HPN: variants seen among roughly 807,000 people sequenced by gnomAD.
The protein encoded by HPN is hepsin, also known as serine protease hepsin.
A neutral mutation model predicts 55.9 loss-of-function variants in HPN; 13 were observed. The observed-to-expected ratio is 0.23, with a 90% CI of 0.15 to 0.37. The LOEUF (loss-of-function observed/expected upper bound fraction) is 0.37. Among genes scored for constraint, HPN ranks in the 10% least tolerant of loss-of-function variants. The probability of loss-of-function intolerance (pLI) is 1.00; values close to 1 mark genes in which losing one functional copy is unlikely to be tolerated. For missense variants in HPN, 451 were observed against 575.8 expected (o/e 0.78, Z 2.22); for synonymous variants, 225 against 240.3 (o/e 0.94, Z 0.59).
At chr19:35,050,280 GC>G (rs1414217363) in intron 4 of HPN, among the ~76,000 whole-genome samples, 1 of 152,142 alleles carries the variant, frequency 6.6e-6, no homozygotes, top group Non-Finnish European at 1.5e-5. Flanking sequence ...GTGCCACCAT[GC>G]CCAGTTAATT....
At chr19:35,064,519 T>A (rs896203996) in intron 9 of HPN, among the ~76,000 whole-genome samples, 20 of 151,708 alleles carry the variant, frequency 1.3e-4, no homozygotes, top group African/African-American at 4.6e-4. Context: ...TCCCAGTGCT[T>A]TGGGAGGCTG....
chr19:35,053,415 G>T (rs2064423861), intron 4 of HPN, among the ~76,000 whole-genome samples: 1 of 152,072 alleles, frequency 6.6e-6, no homozygotes, highest in Non-Finnish European at 1.5e-5. Flanking sequence ...AGCTAGAGGT[G>T]CCAGGCATTC....
intron 4 of HPN, among the ~76,000 whole-genome samples, chr19:35,055,868 G>T (rs1202505516): frequency 6.6e-6 from 1 of 152,138 alleles, no homozygotes; most frequent in Non-Finnish European, 1.5e-5. Flanking sequence ...TTCCCCACTT[G>T]CAGCCAGAGG....
intron 4 of HPN, 193 bp from the exon 5 acceptor site, chr19:35,059,479 CT>C: frequency 2.7e-6 from 2 of 748,674 alleles, no homozygotes; most frequent in Non-Finnish European, 4.6e-6. Flanking sequence ...GAGACCCTGT[CT>C]TTAAAAAAAA....
At chr19:35,053,922 G>T (rs2064429265) in intron 4 of HPN, among the ~76,000 whole-genome samples, 1 of 152,202 alleles carries the variant, frequency 6.6e-6, no homozygotes, top group African/African-American at 2.4e-5. Context: ...ATTAAGGCAG[G>T]CCAGCCAGGT....
At chr19:35,056,740 G>A (rs1264437999) in intron 4 of HPN, among the ~76,000 whole-genome samples, 1 of 152,172 alleles carries the variant, frequency 6.6e-6, no homozygotes, top group African/African-American at 2.4e-5. Context: ...TCGGCCATCT[G>A]TGTCTCCAGG....
chr19:35,053,449 G>A (rs7249615), intron 4 of HPN, among the ~76,000 whole-genome samples: 2 of 152,022 alleles, frequency 1.3e-5, no homozygotes, highest in Non-Finnish European at 2.9e-5. Flanking sequence ...CAGAGCAGGA[G>A]ACCGTAATTA....
chr19:35,044,160 T>C (rs1488503391), intron 2 of HPN, among the ~76,000 whole-genome samples: 4 of 152,230 alleles, frequency 2.6e-5, no homozygotes, highest in Non-Finnish European at 4.4e-5. Context: ...TGTGCAGGAC[T>C]GGACGGGGTT....
chr19:35,059,630 T>G (rs2064501658), intron 4 of HPN, 43 bp from the exon 5 acceptor site: 3 of 1,562,718 alleles, frequency 1.9e-6, no homozygotes, highest in Non-Finnish European at 2.6e-6. Flanking sequence ...GTGGGGAGCC[T>G]GGCTGTGGGA....
intron 3 of HPN, 41 bp downstream of exon 3, chr19:35,049,432 G>A: frequency 6.2e-7 from 1 of 1,612,786 alleles, no homozygotes; most frequent in Non-Finnish European, 8.5e-7. Context: ...CCTGGCCCCT[G>A]CAGCCTCCAG....
intron 9 of HPN, among the ~76,000 whole-genome samples, chr19:35,063,115 A>G (rs55737731): frequency 6.6e-6 from 1 of 152,200 alleles, no homozygotes; most frequent in African/African-American, 2.4e-5. Context: ...CTTAGTTCTC[A>G]CAGCAACCCC....
At chr19:35,057,284 A>C (rs894583722) in intron 4 of HPN, among the ~76,000 whole-genome samples, 1 of 151,954 alleles carries the variant, frequency 6.6e-6, no homozygotes, top group African/African-American at 2.4e-5. Flanking sequence ...AAATTAGCCA[A>C]GTGTGGTGGC....
intron 2 of HPN, among the ~76,000 whole-genome samples, chr19:35,048,060 G>GAAAC: frequency 1.9e-5 from 1 of 52,398 alleles, no homozygotes; most frequent in East Asian, 1.3e-3. Context: ...AAGAAAGAAA[G>GAAAC]AAAGAAAGAA....
intron 2 of HPN, among the ~76,000 whole-genome samples, chr19:35,045,839 C>T (rs1401954282): frequency 6.6e-6 from 1 of 152,108 alleles, no homozygotes; most frequent in East Asian, 1.9e-4. Context: ...ACTGGGGGAA[C>T]CCCAGGATGC....
At chr19:35,048,078 AAG>A (rs759767394) in intron 2 of HPN, among the ~76,000 whole-genome samples, 3,607 of 50,738 alleles carry the variant, frequency 0.071, 71 homozygotes, top group East Asian at 0.14. Flanking sequence ...GAAAGAAAGA[AAG>A]AAAAGGAAGG....
chr19:35,046,576 A>G (rs11673301), intron 2 of HPN, among the ~76,000 whole-genome samples: 104 of 152,126 alleles, frequency 6.8e-4, no homozygotes, highest in Non-Finnish European at 1.3e-3. Flanking sequence ...CACCCAGATA[A>G]TGGCCACACC....
chr19:35,044,080 A>G (rs2064318964), intron 2 of HPN, among the ~76,000 whole-genome samples: 2 of 152,122 alleles, frequency 1.3e-5, no homozygotes, highest in Non-Finnish European at 2.9e-5. Flanking sequence ...TCCTTTTCTC[A>G]TCTGTAAACT....
Position 35,066,537 on chromosome 19 carries a change from G to T in HPN, c.*250G>T. ...CTCCTGTCTAGGTGCCCCTGATGAC[G>T]GGATGCTCTTTAAATAATAAAGATG... On this transcript the variant is annotated 3_prime_UTR_variant, in exon 13 of 13. Coordinates refer to ENST00000672452, the MANE Select transcript of HPN (RefSeq NM_001384133.1). 5.5e-6 allele frequency: 3 copies of T among 545,530 alleles called. No homozygotes were observed. Among genetic ancestry groups the T allele is most frequent in the Admixed American group, 3.2e-5 (1 of 30,972 alleles). The allele number at this position is 545,530 out of a possible 1,614,324, so 33.8% of individuals were successfully genotyped here. A position where few individuals can be genotyped will look rare whatever the true frequency, so the allele number is the denominator to read the frequency against.
At position 35,065,864 on chromosome 19, in the gene HPN, C is replaced by T. The variant is rs758919843; in HGVS notation, c.1051-4C>T. 8.7e-6 allele frequency: 14 copies of T among 1,613,822 alleles called. No individual in the cohort carries two copies. The highest frequency in any genetic ancestry group is 1.7e-4 in the Middle Eastern group (1 of 5,974). ...TTCAGCCAGACCTCCCTCTCCCCTC[C>T]CAGGGCGACAGCGGTGGTCCCTTTG... On this transcript the variant is annotated splice_polypyrimidine_tract_variant and splice_region_variant and intron_variant, in intron 11 of 12. Coordinates refer to ENST00000672452, the MANE Select transcript of HPN (RefSeq NM_001384133.1).
Sources: allele counts gnomAD v4.1 joint callset (sites outside exome capture counted in the v4.1 genomes callset), GRCh38; gene constraint gnomAD v4.1.1; transcripts MANE v1.5; gene names NCBI Gene and HGNC (gene_info 2026-07-23, HGNC 2026-07-21).